Variants in PHKA2 observed in about 807,000 individuals in gnomAD.
The protein encoded by PHKA2 is phosphorylase b kinase regulatory subunit alpha, liver isoform.
A neutral mutation model predicts 102.0 loss-of-function variants in PHKA2; 31 were observed. That is an observed-to-expected ratio of 0.30 (90% CI 0.23 to 0.41). The LOEUF (loss-of-function observed/expected upper bound fraction) is 0.41. Ranked by LOEUF, PHKA2 falls within the 10% of genes least tolerant of loss-of-function variation. PHKA2 has a pLI of 1.00. For synonymous variants in PHKA2, 455 were observed against 416.2 expected (o/e 1.09, Z -1.13); for missense variants, 858 against 1,023.1 (o/e 0.84, Z 2.20).
chrX:18,952,958 C>T (rs1456920911), intron 2 of PHKA2, among the ~76,000 whole-genome samples: 2 of 112,127 alleles, frequency 1.8e-5, no homozygotes, highest in African/African-American at 3.2e-5. Context: ...ACTGAATTAC[C>T]GAGTAAAGCT....
At chrX:18,895,399 C>G in intron 30 of PHKA2, 1 of 459,490 alleles carries the variant, frequency 2.2e-6, no homozygotes. Flanking sequence ...CTAGGGAACC[C>G]AGCAGGCATC....
Position 18,941,674 on chromosome X carries a change from G to C in PHKA2, c.719C>G (p.Ser240Cys). Residue 240 changes from serine (S) to cysteine (C), a missense_variant and splice_region_variant, in exon 8 of 33, where the codon TCT becomes TGT. By Grantham distance (112) the Ser-to-Cys change is moderately radical. Transcript: ENST00000379942. ...VLPDEVEHCQSILFSMLPRAS... is the reference protein window; with the variant it reads ...VLPDEVEHCQCILFSMLPRAS... ...TCTTGGCAGCATGGAGAACAGAATA[G>C]ACTGAATGAAAAACAAAGAGGTGGT... 8.6e-7 allele frequency: 1 copy of C among 1,162,568 alleles called. No homozygotes were observed.
intron 14 of PHKA2, among the ~76,000 whole-genome samples, chrX:18,925,996 G>A (rs1417747683): frequency 9.0e-6 from 1 of 111,567 alleles, no homozygotes; most frequent in Non-Finnish European, 1.9e-5. Flanking sequence ...TACCCAGTTG[G>A]AACTGCATGG....
chrX:18,956,455 T>C (rs922385694), intron 1 of PHKA2, among the ~76,000 whole-genome samples: 1 of 112,122 alleles, frequency 8.9e-6, no homozygotes, highest in Non-Finnish European at 1.9e-5. Context: ...ACCATGAGTC[T>C]ACTAAAACAA....
chrX:18,957,353 TCTTTA>T (rs1430749709), intron 1 of PHKA2, among the ~76,000 whole-genome samples: 2 of 111,670 alleles, frequency 1.8e-5, no homozygotes, highest in East Asian at 5.6e-4. Flanking sequence ...AGCTCTGGAG[TCTTTA>T]CTTTAAGTAT....
chrX:18,903,272 C>G (rs995899066), intron 26 of PHKA2, among the ~76,000 whole-genome samples: 49 of 112,324 alleles, frequency 4.4e-4, no homozygotes, highest in African/African-American at 1.6e-3. Context: ...GTTGACTGGT[C>G]AACAATATAC....
chrX:18,897,647 C>A, intron 29 of PHKA2: 1 of 316,208 alleles, frequency 3.2e-6, no homozygotes. Context: ...TGCCGGAGTG[C>A]TAATCCCCAC....
At chrX:18,913,691 C>A (rs1370955116) in intron 19 of PHKA2, among the ~76,000 whole-genome samples, 1 of 112,212 alleles carries the variant, frequency 8.9e-6, no homozygotes, top group Non-Finnish European at 1.9e-5. Flanking sequence ...CCACCACAGC[C>A]GGCCCACAAA....
intron 19 of PHKA2, among the ~76,000 whole-genome samples, chrX:18,916,873 T>C (rs1285610230): frequency 3.7e-5 from 4 of 108,734 alleles, no homozygotes; most frequent in African/African-American, 1.0e-4. Context: ...AATGGGCTAA[T>C]ACATTTTTTT....
chrX:18,899,347 C>T lies in PHKA2; in HGVS notation c.3058-121G>A, dbSNP rs753666333. The T allele has an allele frequency of 7.1e-4, 433 of 612,746 alleles. 1 individual carries two copies. Among genetic ancestry groups the T allele is most frequent in the Middle Eastern group, 5.7e-3 (19 of 3,331 alleles). 50.5% of individuals were successfully genotyped at this position (612,746 alleles called of 1,213,427 possible). ...AAAGCAGCAGCAGAGAATGCGGGCG[C>T]AGAGAAGGTGCCACAGCAACGCACA... On this transcript the variant is annotated intron_variant, in intron 28 of 32. Transcript: ENST00000379942.
intron 8 of PHKA2, among the ~76,000 whole-genome samples, chrX:18,940,267 T>C (rs1307842590): frequency 1.8e-5 from 2 of 111,840 alleles, no homozygotes; most frequent in Non-Finnish European, 3.8e-5. Context: ...TCCATCAGAG[T>C]ATCAGGGCTG....
chrX:18,946,298 T>C (rs1352250478), intron 5 of PHKA2, among the ~76,000 whole-genome samples: 1 of 111,138 alleles, frequency 9.0e-6, no homozygotes, highest in Non-Finnish European at 1.9e-5. Context: ...GCGTGCCTGG[T>C]GACTGAGCCT....
At chrX:18,897,444 C>T in intron 29 of PHKA2, 111 bp from the exon 30 acceptor site, 1 of 686,922 alleles carries the variant, frequency 1.5e-6, no homozygotes, top group South Asian at 2.7e-5. Flanking sequence ...CAGAACACCA[C>T]TCGCCAGAGA....
intron 19 of PHKA2, among the ~76,000 whole-genome samples, chrX:18,917,772 C>T (rs1361999055): frequency 9.1e-6 from 1 of 110,453 alleles, no homozygotes; most frequent in Non-Finnish European, 1.9e-5. Flanking sequence ...TCCCAGGAGA[C>T]AAGTCAAGGA....
intron 12 of PHKA2, among the ~76,000 whole-genome samples, chrX:18,929,546 T>C (rs967678033): frequency 1.6e-4 from 18 of 112,276 alleles, no homozygotes; most frequent in African/African-American, 5.8e-4. Flanking sequence ...CACCATCTTG[T>C]ATGAGCAAAA....
Position 18,920,105 on chromosome X carries a change from AT to A in PHKA2, c.1889del (p.Asn630MetfsTer16). ...CAGGACTGAAAGTCCCTTCGCTGGC[AT>A]TGTCAAACAACTTCTCATCACAGTC... ...DPDCDEKLFD[N>X]ASEGTFSPDS... On this transcript the variant is annotated frameshift_variant, in exon 18 of 33. Coordinates refer to ENST00000379942, the MANE Select transcript of PHKA2 (RefSeq NM_000292.3). LOFTEE classifies it high-confidence loss of function. 1 of 1,175,449 alleles carries A rather than the reference AT, an allele frequency of 8.5e-7. No individual in the cohort carries two copies. Among genetic ancestry groups the A allele is most frequent in the Non-Finnish European group, 1.2e-6 (1 of 862,137 alleles).
rs748453047 is a variant in PHKA2 at position 18,893,583 on chromosome X, C to G, written c.3610G>C (p.Ala1204Pro). The part of the protein sequence containing the change: ...TGICHFFYDS[A>P]PSGAYGTMTY... ...ATCGTCCCATAAGCCCCACTCGGAGCGCTGTCATAAAAGAAGTGGCAGATT... is the reference window on the plus strand; with the variant it reads ...ATCGTCCCATAAGCCCCACTCGGAGGGCTGTCATAAAAGAAGTGGCAGATT... Residue 1204 changes from alanine to proline, a missense_variant, in exon 33 of 33, where the codon GCT becomes CCT. By Grantham distance (27) the Ala-to-Pro change is conservative (BLOSUM62 -1). Coordinates refer to ENST00000379942, the MANE Select transcript of PHKA2 (RefSeq NM_000292.3). The G allele has an allele frequency of 1.7e-6, 2 of 1,211,239 alleles. No individual in the cohort carries two copies. Among genetic ancestry groups the G allele is most frequent in the Admixed American group, 2.2e-5 (1 of 46,102 alleles).
chrX:18,908,075 A>C lies in PHKA2; in HGVS notation c.2361-19T>G, dbSNP rs775287836. 2 of 1,200,699 alleles carry C rather than the reference A, an allele frequency of 1.7e-6. No individual in the cohort carries two copies. The highest frequency in any genetic ancestry group is 3.5e-5 in the South Asian group (2 of 56,689). On this transcript the variant is annotated intron_variant, in intron 21 of 32. Coordinates refer to ENST00000379942, the MANE Select transcript of PHKA2 (RefSeq NM_000292.3). ...GGGACCCCTGCCAAGAGGTAGAAAA[A>C]CCCAGAAATATGGTCCAGAAAGTTT...
chrX:18,923,043 TCTC>T (rs2048149748), intron 17 of PHKA2, among the ~76,000 whole-genome samples: 1 of 97,848 alleles, frequency 1.0e-5, no homozygotes, highest in Non-Finnish European at 2.0e-5. Context: ...ACAGTGAGAT[TCTC>T]CTTTTTTTTT....
Sources: allele counts gnomAD v4.1 joint callset (sites outside exome capture counted in the v4.1 genomes callset), GRCh38; gene constraint gnomAD v4.1.1; transcripts MANE v1.5; gene names NCBI Gene and HGNC (gene_info 2026-07-23, HGNC 2026-07-21).